The following SULT1B1 variants were observed in gnomAD, a reference collection of about 807,000 sequenced individuals.
The protein encoded by SULT1B1 is sulfotransferase 1B1.
In SULT1B1, 28 loss-of-function variants were observed where a neutral mutation model predicts 34.6. The observed-to-expected ratio is 0.81, with a 90% confidence interval of 0.60 to 1.11. The LOEUF (loss-of-function observed/expected upper bound fraction) is 1.11. Among genes scored for constraint, SULT1B1 ranks in the 50% least tolerant of loss-of-function variants. SULT1B1 has a pLI of 0.00. For missense variants in SULT1B1, 374 were observed against 352.2 expected (o/e 1.06, Z -0.50); for synonymous variants, 147 against 110.2 (o/e 1.33, Z -2.09).
intron 7 of SULT1B1, among the ~76,000 whole-genome samples, chr4:69,728,371 C>T (rs545203598): frequency 6.6e-6 from 1 of 152,116 alleles, no homozygotes; most frequent in African/African-American, 2.4e-5. Flanking sequence ...ATCTATCCCA[C>T]CCTCATAATA....
intron 3 of SULT1B1, 141 bp from the exon 4 acceptor site, chr4:69,749,959 C>A: frequency 1.6e-6 from 1 of 619,364 alleles, no homozygotes; most frequent in Non-Finnish European, 2.9e-6. Flanking sequence ...GGCATTTCAC[C>A]ACATTACTAG....
At chr4:69,759,313 T>A (rs1371628537) in intron 1 of SULT1B1, among the ~76,000 whole-genome samples, 2 of 152,198 alleles carry the variant, frequency 1.3e-5, no homozygotes, top group African/African-American at 4.8e-5. Flanking sequence ...AAATTTACCG[T>A]AGGCCCAACC....
rs1051900508 is a variant in SULT1B1, at chr4:69,723,377, T to C, written c.*3711A>G. On this transcript the variant is annotated 3_prime_UTR_variant, in exon 8 of 8. Transcript: ENST00000310613. ...ATAACATGCTCTGAAATAGAGGCAA[T>C]AATTAATAGCTTACCAACCAAAAGA... is the stretch of plus-strand genomic sequence containing the variant. 1.3e-5 allele frequency: 2 copies of C among 152,186 alleles called. No individual in the cohort carries two copies. The highest frequency in any genetic ancestry group is 4.8e-5 in the African/African-American group (2 of 41,444). The allele number at this position is 152,186 out of a possible 1,614,324, so 9.4% of individuals were successfully genotyped here. A position where few individuals can be genotyped will look rare whatever the true frequency, so the allele number is the denominator to read the frequency against.
At chr4:69,749,870 C>T (rs753924993) in intron 3 of SULT1B1, 52 bp from the exon 4 acceptor site, 9 of 1,391,722 alleles carry the variant, frequency 6.5e-6, no homozygotes, top group East Asian at 2.3e-5. Context: ...AGAAAGGCTA[C>T]GTTTCCTTAT....
chr4:69,748,732 G>A (rs541743355), intron 4 of SULT1B1, among the ~76,000 whole-genome samples: 3 of 152,076 alleles, frequency 2.0e-5, no homozygotes, highest in African/African-American at 7.2e-5. Flanking sequence ...CAAACACTTA[G>A]AAGTTAAATC....
At position 69,734,249 on chromosome 4, in the gene SULT1B1, G is replaced by T; in HGVS notation, c.391C>A (p.Arg131Ser). 6.2e-7 allele frequency: 1 copy of T among 1,611,314 alleles called. No homozygotes were observed. Among genetic ancestry groups the T allele is most frequent in the Non-Finnish European group, 8.5e-7 (1 of 1,178,814 alleles). Residue 131 changes from arginine to serine, a missense_variant, in exon 5 of 8, where the codon CGT (arginine) becomes AGT (serine). Coordinates refer to ENST00000310613, the MANE Select transcript of SULT1B1 (RefSeq NM_014465.4). ...GAGACTGAAACATCCTTGGCATTAC[G>T]AGCCAGATAAATCATCTGCAGTGGG... The part of the protein sequence containing the change: ...ENNCKMIYLA[R>S]NAKDVSVSYY...
chr4:69,746,107 A>G (rs1003817452), intron 4 of SULT1B1, among the ~76,000 whole-genome samples: 6 of 152,268 alleles, frequency 3.9e-5, no homozygotes, highest in Non-Finnish European at 7.4e-5. Context: ...TTTGTACATG[A>G]CCTGCCCCTT....
At chr4:69,736,708 T>C (rs1368092169) in intron 4 of SULT1B1, among the ~76,000 whole-genome samples, 1 of 151,908 alleles carries the variant, frequency 6.6e-6, no homozygotes, top group Non-Finnish European at 1.5e-5. Flanking sequence ...CTGAAATAAA[T>C]AAATAAATCA....
Position 69,724,355 on chromosome 4 carries a change from C to T in SULT1B1, c.*2733G>A, listed in dbSNP as rs1717742288. The T allele has an allele frequency of 6.6e-6, 1 of 152,144 alleles. No individual in the cohort carries two copies. Among genetic ancestry groups the T allele is most frequent in the Admixed American group, 6.6e-5 (1 of 15,262 alleles). 9.4% of individuals were successfully genotyped at this position (152,144 alleles called of 1,614,324 possible). Reference sequence around the variant, plus strand: ...CTTCAAGGAGAACTACAAACCACTGCTCAATGAAATAAAAGAGGATACAAA... The same window carrying T: ...CTTCAAGGAGAACTACAAACCACTGTTCAATGAAATAAAAGAGGATACAAA... On this transcript the variant is annotated 3_prime_UTR_variant, in exon 8 of 8. Coordinates refer to ENST00000310613, the MANE Select transcript of SULT1B1 (RefSeq NM_014465.4).
In SULT1B1 at chr4:69,721,676, T is replaced by C. The variant is rs1717671624; in HGVS notation, c.*5412A>G. 1 of 152,066 alleles carries C rather than the reference T, an allele frequency of 6.6e-6. No individual in the cohort carries two copies. Among genetic ancestry groups the C allele is most frequent in the South Asian group, 2.1e-4 (1 of 4,830 alleles). The allele number at this position is 152,066 out of a possible 1,614,324, so 9.4% of individuals were successfully genotyped here. On this transcript the variant is annotated 3_prime_UTR_variant, in exon 8 of 8. Transcript: ENST00000310613. ...AGATAACACAATAGAATAGGGTGGA[T>C]TGAAAGGGAATACATGACACTTCCC...
intron 4 of SULT1B1, among the ~76,000 whole-genome samples, chr4:69,744,498 C>T (rs1411036095): frequency 6.6e-6 from 1 of 152,138 alleles, no homozygotes; most frequent in African/African-American, 2.4e-5. Context: ...CCACTGCAGC[C>T]GATGTGATGG....
rs1191863977 is a variant in SULT1B1, at chr4:69,754,740, T to C, written c.207A>G (p.Lys69=). ...TTTCAGTAATAAAACCTCGCTTACA[T>C]TTTTCAATATCTCCATCATTTAGAA... ...DMILNDGDIE[K]CKRGFITEKV... The change falls in exon 3 of 8, where the codon AAA becomes AAG. Residue 69 remains lysine, a synonymous_variant. Coordinates refer to ENST00000310613, the MANE Select transcript of SULT1B1 (RefSeq NM_014465.4). 4 of 1,613,052 alleles carry C rather than the reference T, an allele frequency of 2.5e-6. No individual in the cohort carries two copies. In the East Asian group the frequency reaches 8.9e-5, roughly 36 times the overall value.
chr4:69,750,799 G>A (rs1053906136), intron 3 of SULT1B1, among the ~76,000 whole-genome samples: 1 of 152,022 alleles, frequency 6.6e-6, no homozygotes, highest in African/African-American at 2.4e-5. Context: ...GACTAAAATG[G>A]AGATTTCATA....
rs190690578 is a variant in SULT1B1 at position 69,753,342 on chromosome 4, C to T, written c.277+1328G>A. Reference sequence around the variant, plus strand: ...CAAGTCACAAATATGTCTTATCTAGCATCCTCAATTCCACCTCTACCAAGC... The same window carrying T: ...CAAGTCACAAATATGTCTTATCTAGTATCCTCAATTCCACCTCTACCAAGC... On this transcript the variant is annotated intron_variant, in intron 3 of 7. Transcript: ENST00000310613. 3.2e-4 allele frequency among the ~76,000 whole-genome samples: 48 copies of T among 152,272 alleles called. No individual in the cohort carries two copies. The East Asian group carries it at 6.0e-3, about 19-fold the overall frequency.
chr4:69,735,926 A>G (rs1025418514), intron 4 of SULT1B1, among the ~76,000 whole-genome samples: 7 of 152,202 alleles, frequency 4.6e-5, no homozygotes, highest in African/African-American at 1.7e-4. Flanking sequence ...TTTTAACTTC[A>G]TATCACTAAA....
At chr4:69,755,673 CT>C (rs1403316543) in intron 1 of SULT1B1, among the ~76,000 whole-genome samples, 1 of 152,068 alleles carries the variant, frequency 6.6e-6, no homozygotes, top group African/African-American at 2.4e-5. Flanking sequence ...GTAATTCATC[CT>C]TTTTCTTTGT....
In SULT1B1 at chr4:69,724,410, T is replaced by A. The variant is rs1717743802; in HGVS notation, c.*2678A>T. 1 of 152,180 alleles carries A rather than the reference T, an allele frequency of 6.6e-6. No homozygotes were observed. The highest frequency in any genetic ancestry group is 6.6e-5 in the Admixed American group (1 of 15,258). 9.4% of individuals were successfully genotyped at this position (152,180 alleles called of 1,614,324 possible). A position where few individuals can be genotyped will look rare whatever the true frequency, so the allele number is the denominator to read the frequency against. On this transcript the variant is annotated 3_prime_UTR_variant, in exon 8 of 8. Transcript: ENST00000310613. ...TAGAAGAACATTCCATGCTCATGGA[T>A]AGGAAGAATCAATATCATGAAAATG...
intron 3 of SULT1B1, among the ~76,000 whole-genome samples, chr4:69,754,014 G>A (rs1719089688): frequency 6.6e-6 from 1 of 152,136 alleles, no homozygotes; most frequent in African/African-American, 2.4e-5. Flanking sequence ...TGCCTGATTT[G>A]TGAATTGTCC....
In SULT1B1 at chr4:69,723,020, T is replaced by A. The variant is rs1459818598; in HGVS notation, c.*4068A>T. On this transcript the variant is annotated 3_prime_UTR_variant, in exon 8 of 8. Coordinates refer to ENST00000310613, the MANE Select transcript of SULT1B1 (RefSeq NM_014465.4). ...TTCTAATGCCAAGCTGGAGTTAAGA[T>A]CAGAGCATAACTGAAGGAGACAAAG... 6.6e-6 allele frequency: 1 copy of A among 151,928 alleles called. No homozygotes were observed. Among genetic ancestry groups the A allele is most frequent in the African/African-American group, 2.4e-5 (1 of 41,354 alleles). The allele number at this position is 151,928 out of a possible 1,614,324, so 9.4% of individuals were successfully genotyped here.
Sources: gnomAD v4.1 joint callset for allele counts (sites outside exome capture counted in the v4.1 genomes callset) on GRCh38, gnomAD v4.1.1 for gene constraint, MANE v1.5 for transcripts, NCBI Gene and HGNC (gene_info 2026-07-23, HGNC 2026-07-21) for gene names.